PABPC1: variants seen among roughly 807,000 people sequenced by gnomAD.
The protein encoded by PABPC1 is polyadenylate-binding protein 1.
In PABPC1, 4 loss-of-function variants were observed where a neutral mutation model predicts 74.0. The observed-to-expected ratio is 0.05, with a 90% confidence interval of 0.03 to 0.12. PABPC1 has a LOEUF of 0.12. Among genes scored for constraint, PABPC1 ranks in the 10% least tolerant of loss-of-function variants. The pLI is 1.00. For synonymous variants in PABPC1, 227 were observed against 264.1 expected, an observed-to-expected ratio of 0.86 and a Z score of 1.36; for missense variants, 271 against 821.1, an observed-to-expected ratio of 0.33 and a Z score of 8.19.
chr8:100,707,202 A>C (rs1810402612), intron 9 of PABPC1: 7 of 457,166 alleles, frequency 1.5e-5, no homozygotes, highest in East Asian at 4.3e-5. Context: ...GAGTACTTAT[A>C]TGTAGCGACC....
At chr8:100,716,859 C>T (rs1324072655) in intron 3 of PABPC1, among the ~76,000 whole-genome samples, 1 of 152,182 alleles carries the variant, frequency 6.6e-6, no homozygotes. Context: ...ATGAAAGACA[C>T]TTTGTGTATT....
intron 1 of PABPC1, among the ~76,000 whole-genome samples, chr8:100,718,582 AGC>A (rs1446818329): frequency 1.2e-4 from 18 of 152,236 alleles, no homozygotes; most frequent in African/African-American, 4.3e-4. Flanking sequence ...TTAAATCTAA[AGC>A]ACTTTTTTTC....
In PABPC1 at chr8:100,721,885, G is replaced by A; in HGVS notation, c.-302C>T. 3.1e-6 allele frequency: 1 copy of A among 326,666 alleles called. No homozygotes were observed. Among genetic ancestry groups the A allele is most frequent in the Admixed American group, 4.9e-5 (1 of 20,400 alleles). 20.2% of individuals were successfully genotyped at this position (326,666 alleles called of 1,614,324 possible). Reference sequence around the variant, plus strand: ...GGCCGCGGGCGGGCGGGTCGGTCTCGGCTGCTTCACCGGGTTATTTTATAA... The same window carrying A: ...GGCCGCGGGCGGGCGGGTCGGTCTCAGCTGCTTCACCGGGTTATTTTATAA... On this transcript the variant is annotated 5_prime_UTR_variant, in exon 1 of 15. Transcript: ENST00000318607. This position sits in a 1 kb window ranked among gnomAD's most constrained non-coding sequence, Gnocchi z 7.4.
intron 4 of PABPC1, among the ~76,000 whole-genome samples, chr8:100,715,051 TC>T (rs1225395643): frequency 6.7e-6 from 1 of 150,190 alleles, no homozygotes; most frequent in Non-Finnish European, 1.5e-5. Context: ...GCTTTATTGT[TC>T]TATGAGACTG....
intron 7 of PABPC1, 44 bp downstream of exon 7, chr8:100,712,318 A>C (rs1810549581): frequency 3.4e-6 from 4 of 1,160,622 alleles, no homozygotes; most frequent in Non-Finnish European, 5.0e-6. Context: ...TACATGTATG[A>C]ATTTTTACTA....
chr8:100,713,123 T>G lies in PABPC1; in HGVS notation c.702A>C (p.Gly234=). 6.2e-7 allele frequency: 1 copy of G among 1,612,398 alleles called. No homozygotes were observed. The highest frequency in any genetic ancestry group is 8.5e-7 in the Non-Finnish European group (1 of 1,179,354). Residue 234 remains glycine, a synonymous_variant, in exon 5 of 15, where the codon GGA becomes GGC. Transcript: ENST00000318607. Reference sequence around the variant, plus strand: ...CTTCATGCCTTTCAAAGCTTACAAATCCAAATCCTTTGGATTTTCCACTTT... The same window carrying G: ...CTTCATGCCTTTCAAAGCTTACAAAGCCAAATCCTTTGGATTTTCCACTTT... ...TDESGKSKGF[G]FVSFERHEDA...
At chr8:100,703,503 T>A (rs766251391) in intron 14 of PABPC1, 144 bp from the exon 15 acceptor site, 3 of 152,276 alleles carry the variant, frequency 2.0e-5, no homozygotes, top group South Asian at 2.1e-4. Flanking sequence ...ATACATACTA[T>A]CTATGGTTGT....
At chr8:100,716,641 G>C (rs1040595762) in intron 3 of PABPC1, among the ~76,000 whole-genome samples, 1 of 152,154 alleles carries the variant, frequency 6.6e-6, no homozygotes, top group African/African-American at 2.4e-5. Context: ...TTCTCAAAGG[G>C]AGCGTATTTC....
intron 12 of PABPC1, among the ~76,000 whole-genome samples, chr8:100,705,279 T>C (rs1020139212): frequency 8.5e-5 from 13 of 152,256 alleles, no homozygotes; most frequent in African/African-American, 2.7e-4. Flanking sequence ...AATGTTACCA[T>C]TAGGTTGTTA....
rs1311284666 is a variant in PABPC1, at chr8:100,721,796, G to A, written c.-213C>T. 6.9e-6 allele frequency: 3 copies of A among 433,040 alleles called. No individual in the cohort carries two copies. Among genetic ancestry groups the A allele is most frequent in the African/African-American group, 4.1e-5 (2 of 49,026 alleles). 26.8% of individuals were successfully genotyped at this position (433,040 alleles called of 1,614,324 possible). A position where few individuals can be genotyped will look rare whatever the true frequency, so the allele number is the denominator to read the frequency against. ...CGGCTGCCGGCGGGGAGCGAGGGTGGCGGTGTCGGGTCCGGGCAGCGGGAA... is the reference window on the plus strand; with the variant it reads ...CGGCTGCCGGCGGGGAGCGAGGGTGACGGTGTCGGGTCCGGGCAGCGGGAA... On this transcript the variant is annotated 5_prime_UTR_variant, in exon 1 of 15. Transcript: ENST00000318607. The surrounding 1 kb of genome is among the most constrained non-coding windows in gnomAD (Gnocchi z 7.4).
chr8:100,715,158 C>CACACACACATAT (rs1234644734), intron 4 of PABPC1, among the ~76,000 whole-genome samples: 6 of 76,122 alleles, frequency 7.9e-5, no homozygotes, highest in African/African-American at 2.1e-4. Context: ...CACACACACA[C>CACACACACATAT]ATATATATCT....
At chr8:100,716,987 G>A (rs551769670) in intron 3 of PABPC1, among the ~76,000 whole-genome samples, 55 of 151,974 alleles carry the variant, frequency 3.6e-4, no homozygotes, top group Non-Finnish European at 6.9e-4. Context: ...TCCTCCTAAA[G>A]CCCTGGTAAC....
chr8:100,709,950 T>C (rs1218389542), intron 7 of PABPC1: 1 of 476,658 alleles, frequency 2.1e-6, no homozygotes, highest in African/African-American at 1.9e-5. Flanking sequence ...GTCAGAGAAC[T>C]GACAGAAGTG....
chr8:100,705,491 T>C (rs990342458), intron 12 of PABPC1, 98 bp downstream of exon 12: 4 of 778,616 alleles, frequency 5.1e-6, no homozygotes, highest in Non-Finnish European at 9.1e-6. Context: ...TTCAGATCAA[T>C]TCCACTGCCC....
chr8:100,718,771 A>G (rs917350040), intron 1 of PABPC1, among the ~76,000 whole-genome samples: 1 of 152,216 alleles, frequency 6.6e-6, no homozygotes, highest in Admixed American at 6.5e-5. Flanking sequence ...ACAATATTAT[A>G]TGAAAACTAG....
chr8:100,715,122 TACACAC>T lies in PABPC1; in HGVS notation c.643+334_643+339del, dbSNP rs56819980. On this transcript the variant is annotated intron_variant, in intron 4 of 14. Coordinates refer to ENST00000318607, the MANE Select transcript of PABPC1 (RefSeq NM_002568.4). ...CTTCTGATGACATGGGATCTCTAATTACACACACACACACACACACACACACACACA... is the reference window on the plus strand; with the variant it reads ...CTTCTGATGACATGGGATCTCTAATTACACACACACACACACACACACACA... Among the ~76,000 whole-genome samples the T allele has an allele frequency of 5.5e-3, 718 of 131,386 alleles. 2 individuals are homozygous for T. The highest frequency in any genetic ancestry group is 0.013 in the African/African-American group (451 of 35,860). 86.2% of individuals were successfully genotyped at this position (131,386 alleles called of 152,430 possible).
At chr8:100,703,713 T>G (rs1268984492) in intron 14 of PABPC1, among the ~76,000 whole-genome samples, 1 of 152,130 alleles carries the variant, frequency 6.6e-6, no homozygotes, top group East Asian at 1.9e-4. Context: ...AAGGTAAAAC[T>G]ATGAAAGCCA....
At chr8:100,709,810 A>G in intron 7 of PABPC1, 79 bp from the exon 8 acceptor site, 1 of 1,350,290 alleles carries the variant, frequency 7.4e-7, no homozygotes, top group Non-Finnish European at 1.0e-6. Flanking sequence ...TTAGACAATT[A>G]TAAATCACTG....
intron 7 of PABPC1, among the ~76,000 whole-genome samples, chr8:100,710,254 AGAG>A (rs1391301176): frequency 6.6e-6 from 1 of 152,252 alleles, no homozygotes; most frequent in African/African-American, 2.4e-5. Context: ...AGAACACTCA[AGAG>A]GAAGGTTCTT....
Sources: allele counts gnomAD v4.1 joint callset (sites outside exome capture counted in the v4.1 genomes callset), GRCh38; gene constraint gnomAD v4.1.1; non-coding constraint Gnocchi (gnomAD v3.1); transcripts MANE v1.5; gene names NCBI Gene and HGNC (gene_info 2026-07-23, HGNC 2026-07-21).